The following MAOB variants were observed in gnomAD, a reference collection of about 807,000 sequenced individuals.
MAOB encodes amine oxidase [flavin-containing] B.
Under a neutral mutation model 41.9 loss-of-function variants are expected in MAOB, and 15 were observed. The ratio of observed to expected loss-of-function variants is 0.36; its 90% CI spans 0.24 to 0.55. MAOB has a LOEUF of 0.55. Among genes scored for constraint, MAOB ranks in the 20% least tolerant of loss-of-function variants. MAOB has a pLI of 0.86. For missense variants in MAOB, 345 were observed against 398.7 expected, an observed-to-expected ratio of 0.87 and a Z score of 1.15; for synonymous variants, 167 against 144.2, an observed-to-expected ratio of 1.16 and a Z score of -1.13.
At chrX:43,811,453 C>G (rs1045505203) in intron 3 of MAOB, among the ~76,000 whole-genome samples, 7 of 111,321 alleles carry the variant, frequency 6.3e-5, no homozygotes, top group Admixed American at 9.6e-5. Flanking sequence ...GCCACCTTCC[C>G]CTCTATAACT....
At chrX:43,787,000 A>G (rs931187068) in intron 8 of MAOB, among the ~76,000 whole-genome samples, 2 of 110,806 alleles carry the variant, frequency 1.8e-5, no homozygotes, top group African/African-American at 6.6e-5. Flanking sequence ...TTAGAAAAAG[A>G]GATGATATTC....
intron 12 of MAOB, among the ~76,000 whole-genome samples, chrX:43,773,274 C>T (rs374036049): frequency 8.9e-6 from 1 of 112,062 alleles, no homozygotes; most frequent in African/African-American, 3.2e-5. Flanking sequence ...TATCTCTATG[C>T]CCCTGTATTA....
At chrX:43,875,310 T>C (rs769070744) in intron 1 of MAOB, among the ~76,000 whole-genome samples, 1 of 111,773 alleles carries the variant, frequency 8.9e-6, no homozygotes, top group Non-Finnish European at 1.9e-5. Flanking sequence ...ATGTGCTTTT[T>C]CTTGGATGCA....
At chrX:43,792,121 T>TG (rs2034471321) in intron 8 of MAOB, among the ~76,000 whole-genome samples, 1 of 112,407 alleles carries the variant, frequency 8.9e-6, no homozygotes, top group Non-Finnish European at 1.9e-5. Context: ...CACAAGATTT[T>TG]GGGGGAGGAT....
intron 4 of MAOB, 91 bp from the exon 5 acceptor site, chrX:43,802,354 A>G (rs2034605319): frequency 3.3e-6 from 2 of 597,359 alleles, no homozygotes; most frequent in Middle Eastern, 4.9e-4. Flanking sequence ...TTAAATAACT[A>G]TTCAAATAGT....
At position 43,767,234 on chromosome X, in the gene MAOB, A is replaced by G. The variant is rs3027440; in HGVS notation, c.*232T>C. On this transcript the variant is annotated 3_prime_UTR_variant, in exon 15 of 15. Transcript: ENST00000378069. Reference sequence around the variant, plus strand: ...TAACTATTCTAAAGATTTTGAGGGCAATAAACTTGGAAACTGGTGAAACAG... The same window carrying G: ...TAACTATTCTAAAGATTTTGAGGGCGATAAACTTGGAAACTGGTGAAACAG... The G allele has an allele frequency of 0.027, 9,269 of 345,095 alleles. 405 individuals are homozygous for G. Among genetic ancestry groups the G allele is most frequent in the South Asian group, 0.16 (1,679 of 10,402 alleles). 28.4% of individuals were successfully genotyped at this position (345,095 alleles called of 1,213,427 possible).
At chrX:43,839,198 C>A (rs1035605389) in intron 2 of MAOB, among the ~76,000 whole-genome samples, 193 bp from the exon 3 acceptor site, 8 of 111,930 alleles carry the variant, frequency 7.1e-5, no homozygotes, top group Non-Finnish European at 5.6e-5. Flanking sequence ...ATCTTTAAAG[C>A]AAAATTGATT....
intron 5 of MAOB, among the ~76,000 whole-genome samples, chrX:43,798,798 C>T (rs2034559222): frequency 8.9e-6 from 1 of 111,841 alleles, no homozygotes; most frequent in Admixed American, 9.5e-5. Context: ...TTATTGAACT[C>T]TTTCCACACT....
At chrX:43,775,573 T>C (rs1446667774) in intron 11 of MAOB, among the ~76,000 whole-genome samples, 2 of 111,963 alleles carry the variant, frequency 1.8e-5, no homozygotes, top group East Asian at 5.6e-4. Context: ...TTAAAAAGTT[T>C]TAGTGCCTGA....
intron 1 of MAOB, among the ~76,000 whole-genome samples, chrX:43,867,860 C>A (rs1243162467): frequency 8.9e-6 from 1 of 112,219 alleles, no homozygotes; most frequent in African/African-American, 3.2e-5. Context: ...CCATTGAGAT[C>A]TTCATTGCAT....
At chrX:43,831,642 T>A (rs376078414) in intron 3 of MAOB, among the ~76,000 whole-genome samples, 5 of 110,980 alleles carry the variant, frequency 4.5e-5, no homozygotes, top group African/African-American at 1.6e-4. Flanking sequence ...AATATGAGAA[T>A]TGAATCATAT....
intron 1 of MAOB, among the ~76,000 whole-genome samples, chrX:43,857,102 TATATATATATATATAGAGAG>T (rs1485613908): frequency 1.3e-4 from 3 of 23,775 alleles, no homozygotes; most frequent in African/African-American, 3.6e-4. Flanking sequence ...TATATATATA[TATATATATATATATAGAGAG>T]AGAGAGAGAG....
At chrX:43,817,008 T>G (rs374368961) in intron 3 of MAOB, among the ~76,000 whole-genome samples, 1 of 111,598 alleles carries the variant, frequency 9.0e-6, no homozygotes, top group East Asian at 2.8e-4. Context: ...CCTGAGGTCT[T>G]CTAGTGTAGG....
At chrX:43,790,483 CTG>C (rs1295773250) in intron 8 of MAOB, among the ~76,000 whole-genome samples, 2 of 112,086 alleles carry the variant, frequency 1.8e-5, no homozygotes, top group Non-Finnish European at 3.8e-5. Context: ...GTGCCTAGCA[CTG>C]TGTCTGGCAT....
intron 1 of MAOB, among the ~76,000 whole-genome samples, chrX:43,875,413 T>C (rs758602992): frequency 8.9e-6 from 1 of 112,258 alleles, no homozygotes; most frequent in East Asian, 2.8e-4. Context: ...TTTTTTAGCT[T>C]GGTCTTCTAA....
intron 1 of MAOB, among the ~76,000 whole-genome samples, chrX:43,874,756 C>A (rs1465042865): frequency 9.0e-6 from 1 of 111,342 alleles, no homozygotes; most frequent in Admixed American, 9.6e-5. Flanking sequence ...TCTTCTCTAC[C>A]CTCCCAAACC....
At chrX:43,796,676 C>T in intron 6 of MAOB, among the ~76,000 whole-genome samples, 1 of 111,633 alleles carries the variant, frequency 9.0e-6, no homozygotes. Context: ...TATGTTCCTA[C>T]TGTGTCTAGC....
At chrX:43,794,973 G>A (rs1476737869) in intron 7 of MAOB, among the ~76,000 whole-genome samples, 5 of 109,897 alleles carry the variant, frequency 4.5e-5, no homozygotes, top group African/African-American at 1.7e-4. Flanking sequence ...AGACTTCTGT[G>A]ACCAAATGTG....
chrX:43,881,888 G>C (rs2035475743), intron 1 of MAOB, among the ~76,000 whole-genome samples: 1 of 111,713 alleles, frequency 9.0e-6, no homozygotes, highest in Admixed American at 9.4e-5. Flanking sequence ...GCGAGGGTGC[G>C]GAGTGTCCAG....
Sources: gnomAD v4.1 joint callset for allele counts (sites outside exome capture counted in the v4.1 genomes callset) on GRCh38, gnomAD v4.1.1 for gene constraint, MANE v1.5 for transcripts, NCBI Gene and HGNC (gene_info 2026-07-23, HGNC 2026-07-21) for gene names.